The following SNX14 variants were observed in gnomAD, a reference collection of about 807,000 sequenced individuals.
SNX14 encodes sorting nexin-14.
Under a neutral mutation model 133.8 loss-of-function variants are expected in SNX14, and 93 were observed. That is an observed-to-expected ratio of 0.70 (90% CI 0.59 to 0.83). SNX14 has a LOEUF of 0.83. Ranked by LOEUF, SNX14 falls within the 40% of genes least tolerant of loss-of-function variation. The probability of loss-of-function intolerance (pLI) is 0.00; values close to 1 mark genes in which losing one functional copy is unlikely to be tolerated. For synonymous variants in SNX14, 368 were observed against 365.6 expected, an observed-to-expected ratio of 1.01 and a Z score of -0.07; for missense variants, 945 against 1,094.9, an observed-to-expected ratio of 0.86 and a Z score of 1.93.
intron 9 of SNX14, among the ~76,000 whole-genome samples, chr6:85,548,081 CA>C (rs1354116978): frequency 2.0e-4 from 30 of 151,912 alleles, no homozygotes; most frequent in Non-Finnish European, 1.5e-4. Context: ...TGGTGGTTGC[CA>C]GGGGGGGCTG....
chr6:85,543,404 T>C, intron 13 of SNX14, 98 bp from the exon 14 acceptor site: 1 of 1,222,892 alleles, frequency 8.2e-7, no homozygotes, highest in Non-Finnish European at 1.1e-6. Flanking sequence ...CACACTAGAT[T>C]GAGAAATTAG....
At chr6:85,507,125 A>G (rs1362282385) in intron 28 of SNX14, 108 bp downstream of exon 28, 1 of 1,017,564 alleles carries the variant, frequency 9.8e-7, no homozygotes, top group East Asian at 2.5e-5. Flanking sequence ...TTTTTAAAGA[A>G]CCACAGAGAA....
chr6:85,508,919 T>C (rs1337945723), intron 26 of SNX14, among the ~76,000 whole-genome samples: 1 of 152,202 alleles, frequency 6.6e-6, no homozygotes, highest in East Asian at 1.9e-4. Flanking sequence ...TCATAAAAAA[T>C]TCTAATGCTA....
intron 23 of SNX14, among the ~76,000 whole-genome samples, chr6:85,514,971 T>C (rs901047665): frequency 4.6e-5 from 7 of 152,002 alleles, no homozygotes; most frequent in Non-Finnish European, 1.0e-4. Context: ...ACTTTAAAAC[T>C]AACATGATTT....
chr6:85,569,610 T>C (rs1006155032), intron 4 of SNX14, among the ~76,000 whole-genome samples: 4 of 152,198 alleles, frequency 2.6e-5, no homozygotes, highest in African/African-American at 9.6e-5. Flanking sequence ...AGTCATTTGA[T>C]AGTCTCATTT....
intron 6 of SNX14, among the ~76,000 whole-genome samples, chr6:85,560,354 A>G (rs1791131505): frequency 6.6e-6 from 1 of 152,206 alleles, no homozygotes; most frequent in African/African-American, 2.4e-5. Flanking sequence ...CCTTGAGAAC[A>G]TTATGCTGAG....
At chr6:85,519,606 C>T (rs1485496925) in intron 21 of SNX14, among the ~76,000 whole-genome samples, 1 of 152,202 alleles carries the variant, frequency 6.6e-6, no homozygotes, top group Non-Finnish European at 1.5e-5. Flanking sequence ...CGTGGTGGCT[C>T]ACGCCTGTAA....
chr6:85,508,125 T>C, intron 26 of SNX14, 66 bp from the exon 27 acceptor site: 1 of 1,532,018 alleles, frequency 6.5e-7, no homozygotes, highest in Non-Finnish European at 8.8e-7. Context: ...AACTGGATCA[T>C]AAAGCAAAAT....
At chr6:85,583,638 C>G (rs1424417398) in intron 1 of SNX14, among the ~76,000 whole-genome samples, 1 of 152,066 alleles carries the variant, frequency 6.6e-6, no homozygotes, top group African/African-American at 2.4e-5. Flanking sequence ...GAGTGAACTC[C>G]CATTCACAAC....
chr6:85,582,953 G>A (rs533287443), intron 1 of SNX14, among the ~76,000 whole-genome samples: 1 of 152,180 alleles, frequency 6.6e-6, no homozygotes, highest in East Asian at 1.9e-4. Flanking sequence ...ACCAAAACCT[G>A]GCAGAGACAC....
chr6:85,509,913 T>C (rs1772200926), intron 26 of SNX14, among the ~76,000 whole-genome samples: 1 of 152,198 alleles, frequency 6.6e-6, no homozygotes, highest in African/African-American at 2.4e-5. Flanking sequence ...TCTTTTCAGA[T>C]TGGCTTCTTT....
chr6:85,562,494 T>C (rs1791979497), intron 6 of SNX14, among the ~76,000 whole-genome samples: 1 of 152,158 alleles, frequency 6.6e-6, no homozygotes, highest in African/African-American at 2.4e-5. Context: ...ATTTACTCAA[T>C]TAACAATCTT....
chr6:85,566,823 A>T (rs1475759753), intron 5 of SNX14, among the ~76,000 whole-genome samples: 1 of 152,218 alleles, frequency 6.6e-6, no homozygotes, highest in Non-Finnish European at 1.5e-5. Context: ...TATATTAAAC[A>T]CATGATGCTT....
At chr6:85,575,401 T>C (rs1372777682) in intron 1 of SNX14, among the ~76,000 whole-genome samples, 2 of 152,218 alleles carry the variant, frequency 1.3e-5, no homozygotes, top group East Asian at 1.9e-4. Flanking sequence ...ATGTGCATCA[T>C]GATCAGGGAC....
At chr6:85,522,957 C>A (rs1239241005) in intron 21 of SNX14, among the ~76,000 whole-genome samples, 1 of 152,194 alleles carries the variant, frequency 6.6e-6, no homozygotes, top group East Asian at 1.9e-4. Context: ...ACAAATGATA[C>A]CTTCCTAAGA....
At chr6:85,584,501 T>C (rs1214799365) in intron 1 of SNX14, among the ~76,000 whole-genome samples, 3 of 152,178 alleles carry the variant, frequency 2.0e-5, no homozygotes, top group Non-Finnish European at 2.9e-5. Context: ...TCTATCCATC[T>C]GAGAAAGGGC....
chr6:85,534,310 C>T (rs139978928), intron 17 of SNX14, among the ~76,000 whole-genome samples: 2 of 152,316 alleles, frequency 1.3e-5, no homozygotes, highest in African/African-American at 4.8e-5. Context: ...AAATGTCCAT[C>T]TTAGGATCAC....
At chr6:85,546,817 C>T (rs560801611) in intron 12 of SNX14, among the ~76,000 whole-genome samples, 3 of 152,116 alleles carry the variant, frequency 2.0e-5, no homozygotes, top group African/African-American at 7.2e-5. Context: ...ACAAAATTAG[C>T]TGGGGTGCTG....
chr6:85,508,215 G>A, intron 26 of SNX14, 156 bp from the exon 27 acceptor site: 1 of 1,306,614 alleles, frequency 7.7e-7, no homozygotes, highest in Non-Finnish European at 9.7e-7. Context: ...GAGGCTCCTG[G>A]ATAAGAGGTT....
Sources: allele counts gnomAD v4.1 joint callset (sites outside exome capture counted in the v4.1 genomes callset), GRCh38; gene constraint gnomAD v4.1.1; transcripts MANE v1.5; gene names NCBI Gene and HGNC (gene_info 2026-07-23, HGNC 2026-07-21).